Variants in PAM observed in about 807,000 individuals in gnomAD.
PAM encodes the protein peptidyl-glycine alpha-amidating monooxygenase.
Under a neutral mutation model 122.1 loss-of-function variants are expected in PAM, and 72 were observed. The ratio of observed to expected loss-of-function variants is 0.59; its 90% confidence interval spans 0.49 to 0.72. PAM has a LOEUF of 0.72. PAM is among the 30% of genes least tolerant of loss of function. The pLI is 0.00. For synonymous variants in PAM, 389 were observed against 404.4 expected (o/e 0.96, Z 0.46); for missense variants, 1,106 against 1,183.7 (o/e 0.93, Z 0.96).
chr5:103,027,637 C>CT (rs1286948151), intron 24 of PAM, among the ~76,000 whole-genome samples: 1 of 152,166 alleles, frequency 6.6e-6, no homozygotes, highest in African/African-American at 2.4e-5. Flanking sequence ...TTTCCCTTCA[C>CT]TTATGTCTTA....
chr5:102,967,931 C>CAG (rs1764620406), intron 14 of PAM, among the ~76,000 whole-genome samples: 1 of 152,052 alleles, frequency 6.6e-6, no homozygotes, highest in African/African-American at 2.4e-5. Context: ...CCTTGTTGGC[C>CAG]AGGCTGGTCT....
At chr5:103,000,869 T>C (rs1777180769) in intron 16 of PAM, among the ~76,000 whole-genome samples, 1 of 152,056 alleles carries the variant, frequency 6.6e-6, no homozygotes, top group South Asian at 2.1e-4. Flanking sequence ...CCATGACATG[T>C]GGGGATTATG....
At chr5:102,764,906 T>C (rs1753434490) in intron 1 of PAM, among the ~76,000 whole-genome samples, 1 of 152,220 alleles carries the variant, frequency 6.6e-6, no homozygotes, top group Non-Finnish European at 1.5e-5. Flanking sequence ...GTACTTCTTA[T>C]TCAGTTGAAG....
intron 4 of PAM, among the ~76,000 whole-genome samples, chr5:102,901,695 T>G (rs1356138904): frequency 6.6e-6 from 1 of 151,542 alleles, no homozygotes; most frequent in Non-Finnish European, 1.5e-5. Flanking sequence ...GTATTGGCTT[T>G]CTGTCTGTGG....
intron 1 of PAM, among the ~76,000 whole-genome samples, chr5:102,772,788 G>A (rs1266273055): frequency 6.6e-6 from 1 of 152,078 alleles, no homozygotes; most frequent in Non-Finnish European, 1.5e-5. Flanking sequence ...TTTGCTGAAA[G>A]TAAACTTCAA....
intron 15 of PAM, among the ~76,000 whole-genome samples, chr5:102,984,567 C>T (rs1771085139): frequency 6.6e-6 from 1 of 152,042 alleles, no homozygotes; most frequent in Non-Finnish European, 1.5e-5. Flanking sequence ...TATGCATATG[C>T]GTCACTGGTG....
intron 1 of PAM, among the ~76,000 whole-genome samples, chr5:102,845,132 C>T (rs1271771803): frequency 1.3e-5 from 2 of 152,186 alleles, no homozygotes; most frequent in Non-Finnish European, 2.9e-5. Flanking sequence ...AGCTGCAGTC[C>T]GTGGGCCACA....
At chr5:102,791,320 A>G (rs1254675124) in intron 1 of PAM, among the ~76,000 whole-genome samples, 1 of 152,062 alleles carries the variant, frequency 6.6e-6, no homozygotes, top group Admixed American at 6.6e-5. Flanking sequence ...GCCATGTGAC[A>G]GTTTATATTT....
intron 7 of PAM, among the ~76,000 whole-genome samples, chr5:102,930,398 A>G (rs6871715): frequency 0.35 from 53,529 of 151,972 alleles, 9,819 homozygotes; most frequent in African/African-American, 0.45. Context: ...AGTTGGACCC[A>G]GAGCAGGGTA....
chr5:102,910,115 C>T (rs557969223), intron 4 of PAM, among the ~76,000 whole-genome samples: 3 of 151,920 alleles, frequency 2.0e-5, no homozygotes, highest in Non-Finnish European at 2.9e-5. Context: ...CAAAATTTGA[C>T]GTGCAGACTT....
At chr5:102,949,412 T>C (rs1758042606) in intron 9 of PAM, 125 bp from the exon 10 acceptor site, 1 of 701,496 alleles carries the variant, frequency 1.4e-6, no homozygotes. Flanking sequence ...AATATCTGTG[T>C]ATTTAAGTCA....
Position 102,997,975 on chromosome 5 carries a change from G to T in PAM, c.1614-5058G>T, listed in dbSNP as rs578019546. Among the ~76,000 whole-genome samples, 11 of 152,296 alleles carry T rather than the reference G, an allele frequency of 7.2e-5. No homozygotes were observed. In the South Asian group the frequency reaches 2.1e-3, roughly 29 times the overall value. ...CTTGTTTTCTTGGAAGCCAAGCCCAGCATTTCAGGTCTGTGACTCTGAGAC... is the reference window on the plus strand; with the variant it reads ...CTTGTTTTCTTGGAAGCCAAGCCCATCATTTCAGGTCTGTGACTCTGAGAC... On this transcript the variant is annotated intron_variant, in intron 16 of 25. Transcript: ENST00000438793.
At chr5:103,001,720 T>C (rs1777447835) in intron 16 of PAM, among the ~76,000 whole-genome samples, 1 of 152,082 alleles carries the variant, frequency 6.6e-6, no homozygotes, top group African/African-American at 2.4e-5. Context: ...AAGAATTTTT[T>C]TTTGTTCTCC....
intron 18 of PAM, among the ~76,000 whole-genome samples, chr5:103,006,176 A>G (rs1778911049): frequency 6.6e-6 from 1 of 152,068 alleles, no homozygotes; most frequent in Non-Finnish European, 1.5e-5. Flanking sequence ...GACTCATGCA[A>G]TCCACCTACC....
Position 102,990,280 on chromosome 5 carries a change from A to G in PAM, c.1492A>G (p.Met498Val), listed in dbSNP as rs530993035. 12 of 1,546,262 alleles carry G rather than the reference A, an allele frequency of 7.8e-6. No homozygotes were observed. The highest frequency in any genetic ancestry group is 1.3e-5 in the South Asian group (1 of 79,392). The change falls in exon 16 of 26, where the codon ATG (methionine) becomes GTG (valine). Residue 498 changes from methionine to valine, a missense_variant. Physicochemically the swap from Met to Val is conservative, Grantham distance 21. Around this residue, in one of 3 missense-constraint regions of PAM, gnomAD observed 670 missense variants for 690.3 expected, o/e 0.97. Transcript: ENST00000438793. ...GTGGATATATCTTTTAGATTTCCAC[A>G]TGGAAGAGGCACTGGATTGGCCTGG... Reference protein sequence around the residue: ...WEPEHTGDFHMEEALDWPGVY... With the variant: ...WEPEHTGDFHVEEALDWPGVY...
At chr5:103,001,448 T>C (rs767174207) in intron 16 of PAM, among the ~76,000 whole-genome samples, 1 of 152,098 alleles carries the variant, frequency 6.6e-6, no homozygotes, top group Non-Finnish European at 1.5e-5. Context: ...ATGATGATAC[T>C]TCCATTTCAT....
intron 3 of PAM, among the ~76,000 whole-genome samples, chr5:102,889,938 T>C (rs1794299850): frequency 1.3e-5 from 2 of 151,994 alleles, no homozygotes; most frequent in African/African-American, 4.8e-5. Context: ...TCCATTAGAT[T>C]CTAAAGTTTC....
intron 12 of PAM, among the ~76,000 whole-genome samples, chr5:102,952,475 T>C (rs560717569): frequency 6.6e-6 from 1 of 151,878 alleles, no homozygotes; most frequent in South Asian, 2.1e-4. Flanking sequence ...GGAAACACCA[T>C]TTTGTAATAA....
At chr5:102,824,067 G>A (rs1275291988) in intron 1 of PAM, among the ~76,000 whole-genome samples, 1 of 152,146 alleles carries the variant, frequency 6.6e-6, no homozygotes, top group African/African-American at 2.4e-5. Context: ...GTTTATTGAA[G>A]CCCTACAAAA....
Sources: allele counts gnomAD v4.1 joint callset (sites outside exome capture counted in the v4.1 genomes callset), GRCh38; gene constraint gnomAD v4.1.1; regional missense constraint gnomAD v4.1.1; transcripts MANE v1.5; gene names NCBI Gene and HGNC (gene_info 2026-07-23, HGNC 2026-07-21).